Variants in ZDHHC17 observed in about 807,000 individuals in gnomAD.
ZDHHC17 encodes palmitoyltransferase ZDHHC17.
ZDHHC17 carries 40 observed loss-of-function variants against 90.3 expected under a neutral mutation model. That is an observed-to-expected ratio of 0.44 (90% CI 0.34 to 0.58). The LOEUF is 0.58. ZDHHC17 is among the 20% of genes least tolerant of loss of function. ZDHHC17 has a pLI of 0.01. For missense variants in ZDHHC17, 614 were observed against 780.8 expected (o/e 0.79, Z 2.55); for synonymous variants, 235 against 252.4 (o/e 0.93, Z 0.65).
chr12:76,790,758 A>G (rs917512599), intron 1 of ZDHHC17, among the ~76,000 whole-genome samples: 2 of 152,174 alleles, frequency 1.3e-5, no homozygotes, highest in African/African-American at 4.8e-5. Flanking sequence ...TCACCCATAC[A>G]TGGAAGCTAA....
chr12:76,828,333 T>C, intron 9 of ZDHHC17, 57 bp from the exon 10 acceptor site: 2 of 1,360,418 alleles, frequency 1.5e-6, no homozygotes, highest in South Asian at 1.4e-5. Context: ...TTTAAATAAA[T>C]ACTCATTTTT....
intron 13 of ZDHHC17, 83 bp from the exon 14 acceptor site, chr12:76,846,513 C>A: frequency 1.0e-6 from 1 of 969,834 alleles, no homozygotes; most frequent in Non-Finnish European, 1.6e-6. Flanking sequence ...CTGTAGCACA[C>A]CTTTCATGGC....
At chr12:76,799,302 A>G (rs560078076) in intron 2 of ZDHHC17, among the ~76,000 whole-genome samples, 23 of 152,366 alleles carry the variant, frequency 1.5e-4, no homozygotes, top group Non-Finnish European at 2.6e-4. Flanking sequence ...AGGTCAACTA[A>G]GTAAAACAAT....
chr12:76,831,592 C>T (rs987912615), intron 10 of ZDHHC17, among the ~76,000 whole-genome samples: 9 of 152,120 alleles, frequency 5.9e-5, no homozygotes, highest in Admixed American at 2.0e-4. Context: ...CCTGGTGATC[C>T]GCCCGCCTCG....
intron 1 of ZDHHC17, among the ~76,000 whole-genome samples, chr12:76,793,928 C>A (rs1351971202): frequency 6.6e-6 from 1 of 152,108 alleles, no homozygotes; most frequent in Non-Finnish European, 1.5e-5. Flanking sequence ...CTCTGTTGCC[C>A]AGGCTGGAGC....
intron 12 of ZDHHC17, 31 bp from the exon 13 acceptor site, chr12:76,845,678 T>G (rs746615359): frequency 8.2e-7 from 1 of 1,221,870 alleles, no homozygotes; most frequent in Non-Finnish European, 1.2e-6. Flanking sequence ...GTATAATGCC[T>G]TTCATAATCC....
chr12:76,807,345 A>G lies in ZDHHC17; in HGVS notation c.321-1698A>G, dbSNP rs535197355. On this transcript the variant is annotated intron_variant, in intron 3 of 16. Coordinates refer to ENST00000426126, the MANE Select transcript of ZDHHC17 (RefSeq NM_015336.4). Reference sequence around the variant, plus strand: ...AATGTATTTATATTGACTTTCAACCATTGTTTCTGTTTACAGCCCAGGTAC... The same window carrying G: ...AATGTATTTATATTGACTTTCAACCGTTGTTTCTGTTTACAGCCCAGGTAC... 1.1e-3 allele frequency among the ~76,000 whole-genome samples: 166 copies of G among 152,256 alleles called. 1 individual carries two copies. Among genetic ancestry groups the G allele is most frequent in the African/African-American group, 3.5e-3 (146 of 41,546 alleles).
chr12:76,840,050 T>A (rs1288656857), intron 10 of ZDHHC17: 1 of 152,216 alleles, frequency 6.6e-6, no homozygotes, highest in Non-Finnish European at 1.5e-5. Context: ...TCTGCTTCAG[T>A]CGTATCATCT....
chr12:76,774,648 A>C (rs923641387), intron 1 of ZDHHC17, among the ~76,000 whole-genome samples: 2 of 152,234 alleles, frequency 1.3e-5, no homozygotes, highest in African/African-American at 4.8e-5. Flanking sequence ...TGCTTCATCC[A>C]GCAGTTAGTA....
chr12:76,786,122 C>CT (rs36021075), intron 1 of ZDHHC17, among the ~76,000 whole-genome samples: 2,378 of 144,718 alleles, frequency 0.016, 19 homozygotes, highest in Non-Finnish European at 0.024. Flanking sequence ...TTCTTTCTTT[C>CT]TTTTTTTTTT....
At position 76,788,688 on chromosome 12, in the gene ZDHHC17, A is replaced by ATTT. The variant is rs763269507; in HGVS notation, c.94-8722_94-8720dup. 7.2e-4 allele frequency among the ~76,000 whole-genome samples: 71 copies of ATTT among 98,668 alleles called. 7 individuals are homozygous for ATTT. Among genetic ancestry groups the ATTT allele is most frequent in the South Asian group, 4.1e-3 (12 of 2,906 alleles). The allele number at this position is 98,668 out of a possible 152,430, so 64.7% of individuals were successfully genotyped here. On this transcript the variant is annotated intron_variant, in intron 1 of 16. Transcript: ENST00000426126. ...AAAATATATTTAAGTTGGAATCGCA[A>ATTT]TTTTTTTTTTTTTTTTTTTTTTTTT...
At chr12:76,845,860 A>C in intron 13 of ZDHHC17, 58 bp downstream of exon 13, 1 of 917,150 alleles carries the variant, frequency 1.1e-6, no homozygotes, top group Non-Finnish European at 1.7e-6. Context: ...TAGGTAATGA[A>C]TAAAGTATAA....
chr12:76,849,131 A>C (rs1292007943), intron 15 of ZDHHC17, among the ~76,000 whole-genome samples: 9 of 147,676 alleles, frequency 6.1e-5, no homozygotes, highest in African/African-American at 2.2e-4. Context: ...AAAAAAAAAA[A>C]AAAAAAAAAA....
chr12:76,834,695 T>C (rs1316475416), intron 10 of ZDHHC17, among the ~76,000 whole-genome samples: 1 of 152,214 alleles, frequency 6.6e-6, no homozygotes, highest in Non-Finnish European at 1.5e-5. Flanking sequence ...ATTCTATAAT[T>C]TACATTCTCA....
intron 7 of ZDHHC17, among the ~76,000 whole-genome samples, chr12:76,819,748 G>A (rs998474050): frequency 3.9e-5 from 6 of 152,172 alleles, no homozygotes; most frequent in African/African-American, 1.4e-4. Flanking sequence ...TGTAATCCCA[G>A]CACTTTGGGA....
chr12:76,780,888 G>A (rs1244889978), intron 1 of ZDHHC17, among the ~76,000 whole-genome samples: 1 of 152,002 alleles, frequency 6.6e-6, no homozygotes, highest in Non-Finnish European at 1.5e-5. Flanking sequence ...TTGGGAGGCC[G>A]AGGTGGGTGG....
At chr12:76,826,822 T>C in intron 8 of ZDHHC17, 86 bp from the exon 9 acceptor site, 1 of 1,344,926 alleles carries the variant, frequency 7.4e-7, no homozygotes, top group South Asian at 1.7e-5. Flanking sequence ...CACCCGCTGT[T>C]GCATGCCTTC....
rs183911982 is a variant in ZDHHC17 at position 76,826,884 on chromosome 12, T to C, written c.898-24T>C. ...GATTACTTGAAACATGCAAAAACTTTTCTAATTTTTTGTTTCTATACAGGA... is the reference window on the plus strand; with the variant it reads ...GATTACTTGAAACATGCAAAAACTTCTCTAATTTTTTGTTTCTATACAGGA... On this transcript the variant is annotated intron_variant, in intron 8 of 16. Coordinates refer to ENST00000426126, the MANE Select transcript of ZDHHC17 (RefSeq NM_015336.4). 366 of 1,499,424 alleles carry C rather than the reference T, an allele frequency of 2.4e-4. 1 individual carries two copies. In the African/African-American group the frequency reaches 4.9e-3, roughly 20 times the overall value. The allele number at this position is 1,499,424 out of a possible 1,614,324, so 92.9% of individuals were successfully genotyped here. A position where few individuals can be genotyped will look rare whatever the true frequency, so the allele number is the denominator to read the frequency against.
intron 13 of ZDHHC17, 121 bp from the exon 14 acceptor site, chr12:76,846,475 A>G: frequency 4.6e-6 from 3 of 648,378 alleles, no homozygotes; most frequent in Non-Finnish European, 7.8e-6. Flanking sequence ...TTATAAAATA[A>G]TGAATGTATG....
Sources: gnomAD v4.1 joint callset for allele counts (sites outside exome capture counted in the v4.1 genomes callset) on GRCh38, gnomAD v4.1.1 for gene constraint, MANE v1.5 for transcripts, NCBI Gene and HGNC (gene_info 2026-07-23, HGNC 2026-07-21) for gene names.